The following ENO4 variants were observed in gnomAD, a reference collection of about 807,000 sequenced individuals.
ENO4 encodes the protein enolase 4.
A neutral mutation model predicts 63.2 loss-of-function variants in ENO4; 53 were observed. The observed-to-expected ratio is 0.84, with a 90% CI of 0.67 to 1.05. The LOEUF (loss-of-function observed/expected upper bound fraction) is 1.05, where lower values mean the gene tolerates loss of function less well. Among genes scored for constraint, ENO4 ranks in the 50% least tolerant of loss-of-function variants. The pLI is 0.00. For synonymous variants in ENO4, 266 were observed against 283.8 expected (o/e 0.94, Z 0.63); for missense variants, 719 against 772.0 (o/e 0.93, Z 0.81).
At chr10:116,872,893 T>C (rs1410400328) in intron 9 of ENO4, among the ~76,000 whole-genome samples, 1 of 152,180 alleles carries the variant, frequency 6.6e-6, no homozygotes, top group East Asian at 1.9e-4. Context: ...TTCTTTTACT[T>C]TTCTAAAGAA....
chr10:116,909,398 A>G (rs1848101987), intron 10 of ENO4, among the ~76,000 whole-genome samples: 1 of 152,220 alleles, frequency 6.6e-6, no homozygotes, highest in Admixed American at 6.5e-5. Context: ...TTTTTTAAAA[A>G]TTGCTTTTAG....
At chr10:116,871,991 G>A (rs1167517584) in intron 9 of ENO4, among the ~76,000 whole-genome samples, 1 of 152,232 alleles carries the variant, frequency 6.6e-6, no homozygotes, top group African/African-American at 2.4e-5. Flanking sequence ...GAGGTCAGGA[G>A]TTCAAGACCA....
chr10:116,905,976 T>G (rs190542583), intron 10 of ENO4, among the ~76,000 whole-genome samples: 1 of 152,202 alleles, frequency 6.6e-6, no homozygotes, highest in Admixed American at 6.5e-5. Flanking sequence ...TGGTACATTA[T>G]AGTCAGTGAC....
intron 10 of ENO4, among the ~76,000 whole-genome samples, chr10:116,888,791 T>TA (rs1321122213): frequency 6.6e-6 from 1 of 152,170 alleles, no homozygotes; most frequent in African/African-American, 2.4e-5. Flanking sequence ...TTCCGAGGGT[T>TA]AAAAAAAATT....
At chr10:116,854,571 A>T (rs1846197483) in intron 1 of ENO4, among the ~76,000 whole-genome samples, 1 of 151,528 alleles carries the variant, frequency 6.6e-6, no homozygotes, top group Admixed American at 6.6e-5. Context: ...AAAAAAAAAA[A>T]AAAAAAATTC....
intron 11 of ENO4, among the ~76,000 whole-genome samples, chr10:116,878,650 C>T (rs1400873521): frequency 6.6e-6 from 1 of 151,790 alleles, no homozygotes; most frequent in Non-Finnish European, 1.5e-5. Flanking sequence ...GTCTTATAGC[C>T]GCGGTCTTAG....
At chr10:116,907,107 AC>A (rs1431055231) in intron 10 of ENO4, among the ~76,000 whole-genome samples, 3 of 152,152 alleles carry the variant, frequency 2.0e-5, no homozygotes, top group Non-Finnish European at 4.4e-5. Flanking sequence ...TATTAAACTC[AC>A]CTTAGAAGGA....
chr10:116,904,387 TG>T (rs1157196764), intron 10 of ENO4, among the ~76,000 whole-genome samples: 3 of 152,074 alleles, frequency 2.0e-5, no homozygotes, highest in Non-Finnish European at 4.4e-5. Context: ...ACCTAAAAAA[TG>T]GTATGATTTC....
intron 12 of ENO4, 62 bp downstream of exon 12, chr10:116,879,420 G>C: frequency 7.8e-7 from 1 of 1,281,128 alleles, no homozygotes; most frequent in South Asian, 1.4e-5. Flanking sequence ...GTATTTCAGA[G>C]AAATGCAGTC....
In ENO4 at chr10:116,876,275, A is replaced by G; in HGVS notation, c.1537+15A>G. 2 of 1,518,256 alleles carry G rather than the reference A, an allele frequency of 1.3e-6. No individual in the cohort carries two copies. Among genetic ancestry groups the G allele is most frequent in the East Asian group, 5.1e-5 (2 of 39,586 alleles). The allele number at this position is 1,518,256 out of a possible 1,614,324, so 94.0% of individuals were successfully genotyped here. A position where few individuals can be genotyped will look rare whatever the true frequency, so the allele number is the denominator to read the frequency against. On this transcript the variant is annotated intron_variant, in intron 11 of 13. Coordinates refer to ENST00000341276, the MANE Select transcript of ENO4 (RefSeq NM_001242699.2). The stretch of plus-strand genomic sequence containing the variant: ...TCTGATTGACAGTGAGTAAAAGCAT[A>G]CATCTGAAAGACTCGTAATGACTTG...
At chr10:116,899,720 A>G (rs1802025165) in intron 10 of ENO4, among the ~76,000 whole-genome samples, 1 of 152,190 alleles carries the variant, frequency 6.6e-6, no homozygotes, top group Non-Finnish European at 1.5e-5. Context: ...CTAGAATGCA[A>G]AGACAGTTTT....
intron 12 of ENO4, 124 bp downstream of exon 12, chr10:116,879,482 A>C: frequency 1.4e-6 from 1 of 717,178 alleles, no homozygotes. Context: ...GCTTCCTCCC[A>C]GATAGCTACC....
downstream of ENO4, chr10:116,884,363 G>T (rs1327544058): frequency 2.4e-6 from 1 of 417,792 alleles, no homozygotes; most frequent in East Asian, 7.4e-5. Flanking sequence ...ATACCTTCAT[G>T]TCAAATTAAT....
intron 10 of ENO4, chr10:116,901,052 T>A: frequency 1.0e-6 from 1 of 985,442 alleles, no homozygotes; most frequent in African/African-American, 1.7e-5. Context: ...TAACCATGAT[T>A]ACAATATTCG....
At chr10:116,899,474 G>A (rs970164004) in intron 10 of ENO4, among the ~76,000 whole-genome samples, 1 of 151,764 alleles carries the variant, frequency 6.6e-6, no homozygotes, top group Non-Finnish European at 1.5e-5. Context: ...GGCCAAAGTG[G>A]AGGGGGAAGG....
intron 10 of ENO4, among the ~76,000 whole-genome samples, chr10:116,904,928 G>A (rs1196523375): frequency 3.9e-5 from 6 of 151,932 alleles, no homozygotes; most frequent in Admixed American, 1.3e-4. Context: ...TTGGCCGGGC[G>A]CGGTGGCTCA....
intron 10 of ENO4, among the ~76,000 whole-genome samples, chr10:116,907,596 G>C (rs1305549621): frequency 1.3e-5 from 2 of 152,064 alleles, no homozygotes; most frequent in Non-Finnish European, 2.9e-5. Flanking sequence ...CAGAACACTG[G>C]GTGACGTATT....
chr10:116,881,390 A>C (rs944088360), intron 13 of ENO4, 125 bp from the exon 14 acceptor site: 7 of 670,104 alleles, frequency 1.0e-5, no homozygotes, highest in African/African-American at 9.2e-5. Context: ...ATGGTTCTGG[A>C]GTCCTTTCCG....
intron 10 of ENO4, among the ~76,000 whole-genome samples, chr10:116,893,732 C>A (rs1464864178): frequency 6.6e-6 from 1 of 152,094 alleles, no homozygotes; most frequent in Non-Finnish European, 1.5e-5. Flanking sequence ...AACATGACCC[C>A]AAACCTCTCT....
Sources: gnomAD v4.1 joint callset for allele counts (sites outside exome capture counted in the v4.1 genomes callset) on GRCh38, gnomAD v4.1.1 for gene constraint, MANE v1.5 for transcripts, NCBI Gene and HGNC (gene_info 2026-07-23, HGNC 2026-07-21) for gene names.